Variants in ANK3 observed in about 807,000 individuals in gnomAD.
ANK3 encodes the protein ankyrin 3.
In ANK3, 57 loss-of-function variants were observed where a neutral mutation model predicts 370.9. That is an observed-to-expected ratio of 0.15 (90% CI 0.12 to 0.19). ANK3 has a LOEUF of 0.19. Ranked by LOEUF, ANK3 falls within the 10% of genes least tolerant of loss-of-function variation. The pLI is 1.00. For missense variants in ANK3, 4,439 were observed against 5,302.1 expected, an observed-to-expected ratio of 0.84 and a Z score of 5.06; for synonymous variants, 1,929 against 1,946.3, an observed-to-expected ratio of 0.99 and a Z score of 0.23.
chr10:60,513,265 T>C (rs751909566), intron 2 of ANK3, among the ~76,000 whole-genome samples: 4 of 152,110 alleles, frequency 2.6e-5, no homozygotes, highest in Non-Finnish European at 4.4e-5. Context: ...GTAGCTATGG[T>C]GGAAACAAAG....
intron 2 of ANK3, among the ~76,000 whole-genome samples, chr10:60,607,682 G>T (rs915184537): frequency 6.6e-6 from 1 of 152,134 alleles, no homozygotes; most frequent in African/African-American, 2.4e-5. Flanking sequence ...CAAAACACTG[G>T]ATCAAAGTTG....
At chr10:60,501,026 T>C (rs901808490) in intron 2 of ANK3, among the ~76,000 whole-genome samples, 10 of 152,116 alleles carry the variant, frequency 6.6e-5, no homozygotes, top group Admixed American at 2.0e-4. Context: ...TAATCAACCA[T>C]GTCATCAAAT....
chr10:60,115,015 G>A (rs975349090), intron 25 of ANK3, among the ~76,000 whole-genome samples: 2 of 152,146 alleles, frequency 1.3e-5, no homozygotes, highest in African/African-American at 4.8e-5. Flanking sequence ...AGATTTGGGT[G>A]GCCTCAAGCA....
intron 2 of ANK3, among the ~76,000 whole-genome samples, chr10:60,614,036 T>G (rs986324864): frequency 7.2e-5 from 11 of 152,018 alleles, no homozygotes; most frequent in African/African-American, 1.9e-4. Context: ...ATCATACCAC[T>G]GCACTCCAGC....
chr10:60,287,469 G>A (rs2040277736), intron 1 of ANK3, among the ~76,000 whole-genome samples: 1 of 152,168 alleles, frequency 6.6e-6, no homozygotes, highest in Admixed American at 6.5e-5. Context: ...AAGGTCCACT[G>A]AGGGTTCTAA....
chr10:60,384,240 G>T (rs1358105083), intron 1 of ANK3, among the ~76,000 whole-genome samples: 3 of 152,148 alleles, frequency 2.0e-5, no homozygotes, highest in Admixed American at 1.3e-4. Flanking sequence ...TACACAATGT[G>T]TCTGAGGATT....
intron 1 of ANK3, among the ~76,000 whole-genome samples, chr10:60,651,517 C>G (rs758172802): frequency 2.6e-5 from 4 of 152,174 alleles, no homozygotes; most frequent in Non-Finnish European, 5.9e-5. Context: ...AAATGAACTT[C>G]ATGTTCTATT....
intron 1 of ANK3, among the ~76,000 whole-genome samples, chr10:60,316,372 G>A (rs2047413984): frequency 2.0e-5 from 3 of 152,156 alleles, no homozygotes. Flanking sequence ...GTTAGGGGCT[G>A]ACAACCTGGG....
At chr10:60,707,960 G>A (rs966822610) in intron 1 of ANK3, among the ~76,000 whole-genome samples, 7 of 152,138 alleles carry the variant, frequency 4.6e-5, no homozygotes, top group African/African-American at 9.7e-5. Context: ...CTGCTAGTGC[G>A]CTTCCCGCCT....
intron 2 of ANK3, among the ~76,000 whole-genome samples, chr10:60,586,049 C>G (rs1308360228): frequency 6.7e-6 from 1 of 149,402 alleles, no homozygotes; most frequent in Non-Finnish European, 1.5e-5. Context: ...AACAAACAAA[C>G]AAAAAAAAGA....
chr10:60,409,508 T>C lies in ANK3; in HGVS notation c.97-129869A>G, dbSNP rs1412127003. Among the ~76,000 whole-genome samples, 4 of 152,332 alleles carry C rather than the reference T, an allele frequency of 2.6e-5. No individual in the cohort carries two copies. The East Asian group carries it at 5.8e-4, about 22-fold the overall frequency. ...GCTGATTCACTTTCCACTGGTTAGT[T>C]TTTTAAAAAAAGAAAATGAAGCTTA... On this transcript the variant is annotated intron_variant, in intron 2 of 43. Coordinates refer to the ANK3 transcript ENST00000373827.
intron 2 of ANK3, among the ~76,000 whole-genome samples, chr10:60,470,940 T>C (rs2065203185): frequency 6.6e-6 from 1 of 152,194 alleles, no homozygotes; most frequent in East Asian, 1.9e-4. Flanking sequence ...TATTTTTCCC[T>C]GACTTGCAAT....
At position 60,270,112 on chromosome 10, in the gene ANK3, G is replaced by GA. The variant is rs745795403; in HGVS notation, c.513+18dup. On this transcript the variant is annotated intron_variant, in intron 5 of 43. Coordinates refer to ENST00000280772, the MANE Select transcript of ANK3 (RefSeq NM_020987.5). ...TATAAATACGTGAACTCACCCACAG[G>GA]AAAAAAACAGTATCTTACCTCTGTG... 1.3e-5 allele frequency: 19 copies of GA among 1,504,046 alleles called. No individual in the cohort carries two copies. Among genetic ancestry groups the GA allele is most frequent in the South Asian group, 5.4e-5 (4 of 73,820 alleles). 93.2% of individuals were successfully genotyped at this position (1,504,046 alleles called of 1,614,324 possible).
rs547898675 is a variant in ANK3 at position 60,286,215 on chromosome 10, T to C, written c.115-6576A>G. ...TGGTTCTCCTAAGGCATCCTCTGTT[T>C]TAGTTAATCACTCTCATGCCTTTCT... On this transcript the variant is annotated intron_variant, in intron 1 of 43. Transcript: ENST00000280772. Among the ~76,000 whole-genome samples, 14 of 152,278 alleles carry C rather than the reference T, an allele frequency of 9.2e-5. No individual in the cohort carries two copies. In the South Asian group the frequency reaches 2.9e-3, roughly 32 times the overall value.
At chr10:60,507,870 G>T (rs1374706553) in intron 2 of ANK3, 1 of 151,942 alleles carries the variant, frequency 6.6e-6, no homozygotes, top group Admixed American at 6.6e-5. Context: ...AGTTGAATAG[G>T]AATCCACATT....
In ANK3 at chr10:60,259,411, GA is replaced by G. The variant is rs2097774965; in HGVS notation, c.798+2447del. Among the ~76,000 whole-genome samples, 3 of 152,256 alleles carry G rather than the reference GA, an allele frequency of 2.0e-5. No homozygotes were observed. The South Asian group carries it at 6.2e-4, about 32-fold the overall frequency. ...GACCTCATTAATTAGGAAAGACTGG[GA>G]AAAATGCATTTCTGAATCAGTGAAA... On this transcript the variant is annotated intron_variant, in intron 7 of 43. Transcript: ENST00000280772.
chr10:60,168,183 G>A (rs900201822), intron 21 of ANK3, among the ~76,000 whole-genome samples: 2 of 152,028 alleles, frequency 1.3e-5, no homozygotes, highest in Non-Finnish European at 2.9e-5. Flanking sequence ...GCATGGCCAC[G>A]CCCAGCTAAT....
intron 1 of ANK3, among the ~76,000 whole-genome samples, chr10:60,669,736 C>T (rs1298316103): frequency 1.3e-5 from 2 of 152,198 alleles, no homozygotes; most frequent in Non-Finnish European, 1.5e-5. Context: ...TCCTCTCTAT[C>T]GAACCTTGAA....
intron 2 of ANK3, among the ~76,000 whole-genome samples, chr10:60,510,967 AT>A (rs1210068562): frequency 6.6e-6 from 1 of 152,152 alleles, no homozygotes. Flanking sequence ...CTGCATGACT[AT>A]CTCTGCTTTA....
Sources: gnomAD v4.1 joint callset for allele counts (sites outside exome capture counted in the v4.1 genomes callset) on GRCh38, gnomAD v4.1.1 for gene constraint, MANE v1.5 for transcripts, NCBI Gene and HGNC (gene_info 2026-07-23, HGNC 2026-07-21) for gene names.